The following ITFG1 variants were observed in gnomAD, a reference collection of about 807,000 sequenced individuals.
ITFG1 encodes T-cell immunomodulatory protein.
A neutral mutation model predicts 81.8 loss-of-function variants in ITFG1; 34 were observed. That is an observed-to-expected ratio of 0.42 (90% CI 0.32 to 0.55). ITFG1 has a LOEUF of 0.55. Among genes scored for constraint, ITFG1 ranks in the 20% least tolerant of loss-of-function variants. The pLI is 0.17. For synonymous variants in ITFG1, 285 were observed against 270.6 expected (o/e 1.05, Z -0.52); for missense variants, 672 against 755.4 (o/e 0.89, Z 1.29).
At chr16:47,420,480 T>C (rs1434353857) in intron 6 of ITFG1, among the ~76,000 whole-genome samples, 1 of 152,156 alleles carries the variant, frequency 6.6e-6, no homozygotes, top group East Asian at 1.9e-4. Context: ...TACTATAGTT[T>C]AGAAAGCACG....
intron 6 of ITFG1, among the ~76,000 whole-genome samples, chr16:47,407,684 C>A (rs1022709571): frequency 1.3e-5 from 2 of 152,018 alleles, no homozygotes; most frequent in Non-Finnish European, 2.9e-5. Context: ...GACGGGACTG[C>A]CATTTAGTGA....
At chr16:47,381,139 A>G (rs1968391207) in intron 6 of ITFG1, among the ~76,000 whole-genome samples, 1 of 152,212 alleles carries the variant, frequency 6.6e-6, no homozygotes, top group African/African-American at 2.4e-5. Flanking sequence ...TCTCTGGTTA[A>G]AGTTGGCATT....
intron 9 of ITFG1, among the ~76,000 whole-genome samples, chr16:47,313,496 T>A (rs1967300381): frequency 1.3e-5 from 2 of 152,200 alleles, no homozygotes; most frequent in African/African-American, 4.8e-5. Flanking sequence ...ATCATTTAAT[T>A]ATAGTATCCA....
intron 13 of ITFG1, among the ~76,000 whole-genome samples, chr16:47,227,977 AT>A (rs1281226348): frequency 6.6e-6 from 1 of 152,070 alleles, no homozygotes; most frequent in African/African-American, 2.4e-5. Flanking sequence ...TAATATTGAC[AT>A]TTTTTATTGT....
chr16:47,246,301 AC>A (rs1263863963), intron 12 of ITFG1, among the ~76,000 whole-genome samples: 1 of 152,182 alleles, frequency 6.6e-6, no homozygotes, highest in African/African-American at 2.4e-5. Context: ...TCTTTTCTCC[AC>A]TAAGAAATTT....
intron 6 of ITFG1, among the ~76,000 whole-genome samples, chr16:47,379,504 A>G (rs1346123593): frequency 6.6e-6 from 1 of 152,068 alleles, no homozygotes; most frequent in East Asian, 1.9e-4. Context: ...CTTGGCCAAC[A>G]TGGTGAAACT....
At chr16:47,206,506 C>A (rs1965501756) in intron 14 of ITFG1, among the ~76,000 whole-genome samples, 1 of 152,170 alleles carries the variant, frequency 6.6e-6, no homozygotes, top group Non-Finnish European at 1.5e-5. Context: ...TATGAAACTC[C>A]ATACCTATCA....
At chr16:47,207,082 CTTATT>C (rs1475910140) in intron 14 of ITFG1, among the ~76,000 whole-genome samples, 2 of 152,114 alleles carry the variant, frequency 1.3e-5, no homozygotes, top group African/African-American at 2.4e-5. Flanking sequence ...TCCTTGCTCT[CTTATT>C]TTATTTTTTT....
chr16:47,393,399 G>A (rs1424690043), intron 6 of ITFG1, among the ~76,000 whole-genome samples: 1 of 152,134 alleles, frequency 6.6e-6, no homozygotes, highest in Non-Finnish European at 1.5e-5. Flanking sequence ...TAGGTGTTAA[G>A]GAGAAGGTCC....
intron 14 of ITFG1, among the ~76,000 whole-genome samples, chr16:47,179,986 A>C (rs1965084758): frequency 6.6e-6 from 1 of 152,234 alleles, no homozygotes; most frequent in Admixed American, 6.5e-5. Flanking sequence ...AACTCAGTTT[A>C]TAGATAGCTG....
intron 12 of ITFG1, among the ~76,000 whole-genome samples, chr16:47,244,102 T>A (rs60334756): frequency 1.5e-3 from 229 of 152,368 alleles, no homozygotes; most frequent in African/African-American, 5.0e-3. Flanking sequence ...CAAGAGCACA[T>A]CCTGTATGAT....
intron 10 of ITFG1, among the ~76,000 whole-genome samples, chr16:47,284,045 C>A (rs1406162703): frequency 1.3e-5 from 2 of 152,116 alleles, no homozygotes; most frequent in African/African-American, 4.8e-5. Context: ...CTACAATAGG[C>A]AAATCTGTAG....
chr16:47,381,058 C>G (rs1182404932), intron 6 of ITFG1, among the ~76,000 whole-genome samples: 2 of 152,178 alleles, frequency 1.3e-5, no homozygotes, highest in African/African-American at 4.8e-5. Context: ...CCATTCATAG[C>G]TTGAAAGGAG....
chr16:47,315,933 G>A (rs1260278346), intron 8 of ITFG1, among the ~76,000 whole-genome samples: 2 of 151,974 alleles, frequency 1.3e-5, no homozygotes, highest in African/African-American at 4.8e-5. Flanking sequence ...TGGGATTACG[G>A]GCATCTGCCA....
At chr16:47,353,211 A>T (rs140746843) in intron 8 of ITFG1, among the ~76,000 whole-genome samples, 2,793 of 152,136 alleles carry the variant, frequency 0.018, 84 homozygotes, top group African/African-American at 0.063. Flanking sequence ...AAGTATAATT[A>T]AAAAAAATTA....
intron 14 of ITFG1, among the ~76,000 whole-genome samples, chr16:47,171,587 G>A (rs1021210039): frequency 2.0e-5 from 3 of 151,852 alleles, no homozygotes; most frequent in Non-Finnish European, 4.4e-5. Context: ...AGTTTAGTCT[G>A]GTCTTCTTTT....
intron 8 of ITFG1, among the ~76,000 whole-genome samples, chr16:47,326,342 C>T (rs1022260905): frequency 1.4e-4 from 22 of 152,210 alleles, no homozygotes; most frequent in African/African-American, 4.6e-4. Flanking sequence ...TAAGAGCTAT[C>T]TATGACAAAC....
intron 6 of ITFG1, among the ~76,000 whole-genome samples, chr16:47,390,318 T>C (rs1009091975): frequency 6.6e-6 from 1 of 152,242 alleles, no homozygotes; most frequent in Non-Finnish European, 1.5e-5. Flanking sequence ...TGTGAGGTTT[T>C]TAAGTCTTTG....
At chr16:47,326,228 G>A (rs1487312153) in intron 8 of ITFG1, among the ~76,000 whole-genome samples, 1 of 152,180 alleles carries the variant, frequency 6.6e-6, no homozygotes, top group Non-Finnish European at 1.5e-5. Flanking sequence ...AAAACCACAT[G>A]ATTATCTCAA....
Sources: gnomAD v4.1 joint callset for allele counts (sites outside exome capture counted in the v4.1 genomes callset) on GRCh38, gnomAD v4.1.1 for gene constraint, MANE v1.5 for transcripts, NCBI Gene and HGNC (gene_info 2026-07-23, HGNC 2026-07-21) for gene names.